The following FAM120B variants were observed in gnomAD, a reference collection of about 807,000 sequenced individuals.
FAM120B encodes constitutive coactivator of peroxisome proliferator-activated receptor gamma.
In FAM120B, 83 loss-of-function variants were observed where a neutral mutation model predicts 96.3. That is an observed-to-expected ratio of 0.86 (90% CI 0.72 to 1.03). The LOEUF is 1.03. Ranked by LOEUF, FAM120B falls within the 50% of genes least tolerant of loss-of-function variation. The pLI, the probability that FAM120B is intolerant of heterozygous loss-of-function variation, is 0.00. For synonymous variants in FAM120B, 407 were observed against 402.7 expected, an observed-to-expected ratio of 1.01 and a Z score of -0.13; for missense variants, 1,027 against 1,121.2, an observed-to-expected ratio of 0.92 and a Z score of 1.20.
intron 5 of FAM120B, among the ~76,000 whole-genome samples, chr6:170,349,261 C>T (rs1787419529): frequency 6.6e-6 from 1 of 152,202 alleles, no homozygotes; most frequent in Non-Finnish European, 1.5e-5. Context: ...CTCCTTCAAG[C>T]CATCGTCTCA....
intron 6 of FAM120B, among the ~76,000 whole-genome samples, chr6:170,387,666 C>T (rs1464773902): frequency 6.6e-6 from 1 of 152,132 alleles, no homozygotes; most frequent in East Asian, 1.9e-4. Context: ...TCTTAATTTG[C>T]AAAGATTATC....
rs896172770 is a variant in FAM120B at position 170,317,935 on chromosome 6, A to G, written c.545A>G (p.Tyr182Cys). ...CLGILGEDTDYLIYDTCPYFS... is the reference protein window; with the variant it reads ...CLGILGEDTDCLIYDTCPYFS... ...GGGATTCTGGGGGAAGACACTGATT[A>G]CCTAATCTATGACACTTGTCCCTAC... The change falls in exon 2 of 11, where the codon TAC (tyrosine) becomes TGC (cysteine). Residue 182 changes from tyrosine (Y) to cysteine (C), a missense_variant. Tyr to Cys is a radical substitution (Grantham distance 194). Around this residue, in one of 3 missense-constraint regions of FAM120B, gnomAD observed 880 missense variants for 980.9 expected, o/e 0.90. Transcript: ENST00000476287. 1 of 1,614,134 alleles carries G rather than the reference A, an allele frequency of 6.2e-7. No homozygotes were observed. Among genetic ancestry groups the G allele is most frequent in the Non-Finnish European group, 8.5e-7 (1 of 1,180,004 alleles).
chr6:170,311,377 C>T (rs1380563010), intron 1 of FAM120B, among the ~76,000 whole-genome samples: 1 of 151,998 alleles, frequency 6.6e-6, no homozygotes, highest in African/African-American at 2.4e-5. Context: ...AGTTTTTTTT[C>T]CCCATTTCTA....
chr6:170,291,183 A>C, upstream of FAM120B: 11 of 485,270 alleles, frequency 2.3e-5, no homozygotes, highest in Non-Finnish European at 3.6e-5. Context: ...CACCACACAA[A>C]ACGCACTCAT....
At chr6:170,361,854 C>G (rs989482693) in intron 6 of FAM120B, among the ~76,000 whole-genome samples, 1 of 152,056 alleles carries the variant, frequency 6.6e-6, no homozygotes, top group African/African-American at 2.4e-5. Context: ...AGTGCAGTGA[C>G]GTGATCTCAG....
intron 6 of FAM120B, among the ~76,000 whole-genome samples, chr6:170,360,693 G>T (rs183498973): frequency 4.6e-5 from 7 of 152,268 alleles, no homozygotes; most frequent in Admixed American, 2.6e-4. Flanking sequence ...GGTTCCTTCT[G>T]AGAATTGTGA....
At chr6:170,374,104 A>T (rs1316673568) in intron 6 of FAM120B, among the ~76,000 whole-genome samples, 1 of 152,210 alleles carries the variant, frequency 6.6e-6, no homozygotes, top group Admixed American at 6.5e-5. Flanking sequence ...CTGAATGTCT[A>T]TAAAAAGCAT....
intron 9 of FAM120B, among the ~76,000 whole-genome samples, chr6:170,398,864 G>A: frequency 6.6e-6 from 1 of 151,560 alleles, no homozygotes; most frequent in African/African-American, 2.4e-5. Flanking sequence ...AAGTGAGTGG[G>A]AAAGGTAGAA....
chr6:170,397,515 C>T (rs1778239117), intron 9 of FAM120B, among the ~76,000 whole-genome samples: 1 of 152,018 alleles, frequency 6.6e-6, no homozygotes, highest in Non-Finnish European at 1.5e-5. Flanking sequence ...TGGAGTCCAC[C>T]CCGACCGAGA....
intron 6 of FAM120B, among the ~76,000 whole-genome samples, chr6:170,371,579 A>G (rs1789192154): frequency 6.6e-6 from 1 of 152,344 alleles, no homozygotes; most frequent in African/African-American, 2.4e-5. Context: ...TGTGTAAAAA[A>G]CATTTGGAAT....
chr6:170,336,163 G>C (rs902370954), intron 4 of FAM120B, among the ~76,000 whole-genome samples: 1 of 152,110 alleles, frequency 6.6e-6, no homozygotes, highest in African/African-American at 2.4e-5. Context: ...TTTTCTTCTA[G>C]GGTTTTTATG....
At chr6:170,291,076 A>C (rs1386359541), upstream of FAM120B, 2 of 700,836 alleles carry the variant, frequency 2.9e-6, no homozygotes, top group East Asian at 5.4e-5. Flanking sequence ...CCAAATGGTC[A>C]GTGAGCTGTA....
chr6:170,389,945 G>T (rs1029715757), intron 7 of FAM120B, among the ~76,000 whole-genome samples: 1 of 152,098 alleles, frequency 6.6e-6, no homozygotes, highest in African/African-American at 2.4e-5. Context: ...GTGTAGTTAT[G>T]ATTTATTACT....
At chr6:170,342,597 G>A (rs911076093) in intron 4 of FAM120B, among the ~76,000 whole-genome samples, 1 of 152,208 alleles carries the variant, frequency 6.6e-6, no homozygotes, top group African/African-American at 2.4e-5. Context: ...TCTCAGGACA[G>A]CCTTCAGAGC....
chr6:170,315,563 T>C (rs1784851602), intron 1 of FAM120B, among the ~76,000 whole-genome samples: 1 of 152,200 alleles, frequency 6.6e-6, no homozygotes, highest in African/African-American at 2.4e-5. Flanking sequence ...ATAAACTCTT[T>C]ACAAGTCACA....
chr6:170,385,181 A>G (rs1790119299), intron 6 of FAM120B, among the ~76,000 whole-genome samples: 1 of 151,980 alleles, frequency 6.6e-6, no homozygotes. Context: ...AATAACAATA[A>G]GTAAAAATTC....
At chr6:170,336,524 T>G (rs1338349323) in intron 4 of FAM120B, among the ~76,000 whole-genome samples, 1 of 152,224 alleles carries the variant, frequency 6.6e-6, no homozygotes, top group African/African-American at 2.4e-5. Flanking sequence ...ACGGGCTTTT[T>G]GGTTCCATAT....
chr6:170,313,925 T>G (rs1784746262), intron 1 of FAM120B, among the ~76,000 whole-genome samples: 2 of 152,248 alleles, frequency 1.3e-5, no homozygotes, highest in Admixed American at 1.3e-4. Flanking sequence ...TGTAAGTCCC[T>G]CATCCCTGTG....
At chr6:170,310,167 A>C (rs61287426) in intron 1 of FAM120B, among the ~76,000 whole-genome samples, 2,036 of 152,312 alleles carry the variant, frequency 0.013, 38 homozygotes, top group African/African-American at 0.043. Flanking sequence ...GATGATAATA[A>C]AAGCCTAAAT....
Sources: gnomAD v4.1 joint callset for allele counts (sites outside exome capture counted in the v4.1 genomes callset) on GRCh38, gnomAD v4.1.1 for gene constraint, gnomAD v4.1.1 regional missense constraint, MANE v1.5 for transcripts, NCBI Gene and HGNC (gene_info 2026-07-23, HGNC 2026-07-21) for gene names.